The following ZP2 variants were observed in gnomAD, a reference collection of about 807,000 sequenced individuals.
ZP2 encodes zona pellucida glycoprotein 2.
In ZP2, 51 loss-of-function variants were observed where a neutral mutation model predicts 84.0. That is an observed-to-expected ratio of 0.61 (90% confidence interval 0.49 to 0.77). ZP2 has a LOEUF of 0.77. Among genes scored for constraint, ZP2 ranks in the 30% least tolerant of loss-of-function variants. The probability of loss-of-function intolerance (pLI) is 0.00; values close to 1 mark genes in which losing one functional copy is unlikely to be tolerated. For synonymous variants in ZP2, 375 were observed against 330.9 expected (o/e 1.13, Z -1.45); for missense variants, 909 against 911.9 (o/e 1.00, Z 0.04).
rs1398393391 is a variant in ZP2 at position 21,204,042 on chromosome 16, C to T, written c.960G>A (p.Leu320=). ...NGMKLHFSKT[L]LKTKLSEKCL... ...CAATTGAACATACTTTCGTTTTGAG[C>T]AGAGTTTTGCTGAAATGCAATTTCA... The change falls in exon 9 of 19, where the codon CTG becomes CTA. Residue 320 remains leucine (L), a synonymous_variant. Coordinates refer to ENST00000574091, the MANE Select transcript of ZP2 (RefSeq NM_001376232.1). 1 of 1,613,506 alleles carries T rather than the reference C, an allele frequency of 6.2e-7. No homozygotes were observed.
intron 16 of ZP2, among the ~76,000 whole-genome samples, chr16:21,199,236 C>A (rs188197818): frequency 7.4e-6 from 1 of 135,912 alleles, no homozygotes; most frequent in Non-Finnish European, 1.5e-5. Flanking sequence ...GCAGGAGAAT[C>A]ATTTCCCTTG....
intron 2 of ZP2, 82 bp from the exon 3 acceptor site, chr16:21,210,274 G>C: frequency 9.0e-7 from 1 of 1,110,068 alleles, no homozygotes; most frequent in South Asian, 1.3e-5. Flanking sequence ...CCTCTCAGAT[G>C]GGAGGGATTC....
At chr16:21,208,626 C>T (rs1488080042) in intron 4 of ZP2, among the ~76,000 whole-genome samples, 1 of 152,180 alleles carries the variant, frequency 6.6e-6, no homozygotes, top group Non-Finnish European at 1.5e-5. Flanking sequence ...CCTAATATTC[C>T]TGATTGGGCA....
At chr16:21,198,541 G>C (rs2152854302) in intron 17 of ZP2, among the ~76,000 whole-genome samples, 1 of 152,304 alleles carries the variant, frequency 6.6e-6, no homozygotes, top group East Asian at 1.9e-4. Flanking sequence ...AGATAAGACA[G>C]ATTAGAGACC....
intron 5 of ZP2, among the ~76,000 whole-genome samples, chr16:21,206,257 A>G (rs2093249161): frequency 6.6e-6 from 1 of 152,172 alleles, no homozygotes; most frequent in African/African-American, 2.4e-5. Flanking sequence ...TCAGCCTCCC[A>G]AATTGCTGGG....
At chr16:21,199,000 G>A in intron 16 of ZP2, 138 bp from the exon 17 acceptor site, 1 of 758,236 alleles carries the variant, frequency 1.3e-6, no homozygotes, top group Non-Finnish European at 2.2e-6. Flanking sequence ...GCGAGGTTAT[G>A]CCCTTTACTG....
chr16:21,198,287 C>T (rs1414058204), intron 17 of ZP2, among the ~76,000 whole-genome samples: 1 of 151,700 alleles, frequency 6.6e-6, no homozygotes, highest in African/African-American at 2.4e-5. Context: ...CCCTGATACT[C>T]GGGAGGCTGA....
upstream of ZP2, chr16:21,214,125 A>T: frequency 1.6e-6 from 1 of 621,826 alleles, no homozygotes; most frequent in Non-Finnish European, 2.0e-6. Context: ...CTAAAAGGTT[A>T]AGGGGCAGCA....
At chr16:21,201,679 G>A in intron 13 of ZP2, 27 bp downstream of exon 13, 2 of 1,613,914 alleles carry the variant, frequency 1.2e-6, no homozygotes, top group Admixed American at 1.7e-5. Flanking sequence ...GATCATTTAA[G>A]CAATTTCACA....
In ZP2 at chr16:21,201,501, C is replaced by A. The variant is rs779162964; in HGVS notation, c.1562G>T (p.Arg521Leu). 9.3e-6 allele frequency: 15 copies of A among 1,613,478 alleles called. No individual in the cohort carries two copies. In the South Asian group the frequency reaches 1.7e-4, roughly 18 times the overall value. Reference sequence around the variant, plus strand: ...TCTCACTTCCATGTAAATTGGTTGGCGGAGGAATCTCACTAGAGGGTACTC... The same window carrying A: ...TCTCACTTCCATGTAAATTGGTTGGAGGAGGAATCTCACTAGAGGGTACTC... ...ENEYPLVRFL[R>L]QPIYMEVRVL... Residue 521 changes from arginine (R) to leucine (L), a missense_variant, in exon 14 of 19, where the codon CGC becomes CTC. By Grantham distance (102) the Arg-to-Leu change is moderately radical (BLOSUM62 -2). Transcript: ENST00000574091.
intron 2 of ZP2, among the ~76,000 whole-genome samples, chr16:21,211,015 G>A (rs1470976975): frequency 6.6e-6 from 1 of 152,014 alleles, no homozygotes; most frequent in East Asian, 1.9e-4. Context: ...GTTTGTGTTT[G>A]AAGATTGCTG....
chr16:21,205,009 G>C (rs544120914), intron 7 of ZP2, among the ~76,000 whole-genome samples: 1 of 152,248 alleles, frequency 6.6e-6, no homozygotes, highest in South Asian at 2.1e-4. Flanking sequence ...TTGAGAAATG[G>C]TCTCGCTCTG....
intron 14 of ZP2, among the ~76,000 whole-genome samples, chr16:21,200,192 C>T (rs1355385610): frequency 1.3e-5 from 2 of 152,292 alleles, no homozygotes; most frequent in East Asian, 3.9e-4. Context: ...AATCCCAGAA[C>T]TGTGGGAGGC....
chr16:21,202,705 A>G (rs527865587), intron 10 of ZP2, among the ~76,000 whole-genome samples: 2 of 152,266 alleles, frequency 1.3e-5, no homozygotes, highest in East Asian at 3.9e-4. Context: ...TGGTTTTCCT[A>G]TTTGATCTGA....
At chr16:21,211,728 G>T, upstream of ZP2, 4 of 1,499,980 alleles carry the variant, frequency 2.7e-6, no homozygotes, top group Non-Finnish European at 1.8e-6. Context: ...AGCTTGCGCC[G>T]GGTATTCTGC....
chr16:21,198,992 G>A (rs759235592), intron 16 of ZP2, 130 bp from the exon 17 acceptor site: 98 of 806,068 alleles, frequency 1.2e-4, no homozygotes, highest in Non-Finnish European at 1.2e-4. Flanking sequence ...CTTTGCAGGC[G>A]AGGTTATGCC....
rs1309288966 is a variant in ZP2 at position 21,211,405 on chromosome 16, G to C, written c.63-10C>G. 6.2e-7 allele frequency: 1 copy of C among 1,614,186 alleles called. No homozygotes were observed. The highest frequency in any genetic ancestry group is 1.1e-5 in the South Asian group (1 of 91,078). ...AATCGACCTGTAGGTGCTGGAAAGA[G>C]ACAGGGAGATAGTCAAGGAAGAATG... On this transcript the variant is annotated splice_polypyrimidine_tract_variant and intron_variant, in intron 1 of 18. Coordinates refer to ENST00000574091, the MANE Select transcript of ZP2 (RefSeq NM_001376232.1).
At chr16:21,199,912 A>T in intron 14 of ZP2, 34 bp from the exon 15 acceptor site, 1 of 1,609,990 alleles carries the variant, frequency 6.2e-7, no homozygotes, top group Non-Finnish European at 8.5e-7. Context: ...GATGTCAGTC[A>T]TATGCATCTT....
chr16:21,197,800 A>T lies in ZP2; in HGVS notation c.2061T>A (p.Ser687Arg). The change falls in exon 18 of 19, where the codon AGT (serine) becomes AGA (arginine). Residue 687 changes from serine (S) to arginine (R), a missense_variant. Transcript: ENST00000574091. The stretch of plus-strand genomic sequence containing the variant: ...CAACCTCCTCCCCTGTTTCACTCCT[A>T]CTCTTCTCCCCACTGCTCCCACTTG... ...LKASGSSGEK[S>R]RSETGEEVGS... The T allele has an allele frequency of 6.2e-7, 1 of 1,613,736 alleles. No homozygotes were observed. The highest frequency in any genetic ancestry group is 8.5e-7 in the Non-Finnish European group (1 of 1,179,922).
Sources: gnomAD v4.1 joint callset for allele counts (sites outside exome capture counted in the v4.1 genomes callset) on GRCh38, gnomAD v4.1.1 for gene constraint, MANE v1.5 for transcripts, NCBI Gene and HGNC (gene_info 2026-07-23, HGNC 2026-07-21) for gene names.